DENND2B: variants seen among roughly 807,000 people sequenced by gnomAD.
The protein encoded by DENND2B is DENN domain containing 2B.
DENND2B carries 32 observed loss-of-function variants against 116.0 expected under a neutral mutation model. The ratio of observed to expected loss-of-function variants is 0.28; its 90% CI spans 0.21 to 0.37. The LOEUF (loss-of-function observed/expected upper bound fraction) is 0.37. Ranked by LOEUF, DENND2B falls within the 10% of genes least tolerant of loss-of-function variation. DENND2B has a pLI of 1.00. For synonymous variants in DENND2B, 588 were observed against 583.9 expected, an observed-to-expected ratio of 1.01 and a Z score of -0.10; for missense variants, 1,276 against 1,477.7, an observed-to-expected ratio of 0.86 and a Z score of 2.24.
intron 4 of DENND2B, chr11:8,719,053 G>A (rs1404544397): frequency 2.0e-6 from 2 of 985,628 alleles, no homozygotes; most frequent in Non-Finnish European, 2.4e-6. Context: ...GAGCCTGGGT[G>A]CCACTGAGTC....
rs1471503539 is a variant in DENND2B, at chr11:8,702,087, G to A, written c.2720+485C>T. On this transcript the variant is annotated intron_variant, in intron 14 of 19. Coordinates refer to ENST00000313726, the MANE Select transcript of DENND2B (RefSeq NM_213618.2). This position sits in a 1 kb window ranked among gnomAD's most constrained non-coding sequence, Gnocchi z 4.6. ...TGGGCCACTGCAGTTGCCTTCTCCA[G>A]GGGACACCCTCCACAGGACCCTCGC... Among the ~76,000 whole-genome samples, 2 of 152,028 alleles carry A rather than the reference G, an allele frequency of 1.3e-5. No individual in the cohort carries two copies. Among genetic ancestry groups the A allele is most frequent in the African/African-American group, 4.8e-5 (2 of 41,364 alleles).
At chr11:8,865,018 T>C (rs1263130416) in intron 2 of DENND2B, among the ~76,000 whole-genome samples, 2 of 152,158 alleles carry the variant, frequency 1.3e-5, no homozygotes, top group East Asian at 3.9e-4. Context: ...AGGGACAAAT[T>C]CCCAGCATAT....
Position 8,776,443 on chromosome 11 carries a change from G to C in DENND2B, c.-25-25718C>G, listed in dbSNP as rs987765617. ...AGCCCAGTCACTGAGGACACAGGAA[G>C]GAAAACAACACAGTCCTACAGGCTC... On this transcript the variant is annotated intron_variant, in intron 1 of 19. Transcript: ENST00000313726. 6.6e-5 allele frequency: 24 copies of C among 361,620 alleles called. 1 individual carries two copies. Among genetic ancestry groups the C allele is most frequent in the South Asian group, 4.9e-4 (24 of 48,614 alleles). 22.4% of individuals were successfully genotyped at this position (361,620 alleles called of 1,614,324 possible). A position where few individuals can be genotyped will look rare whatever the true frequency, so the allele number is the denominator to read the frequency against.
intron 1 of DENND2B, among the ~76,000 whole-genome samples, chr11:8,905,878 G>A (rs1589894672): frequency 6.6e-6 from 1 of 151,836 alleles, no homozygotes; most frequent in African/African-American, 2.4e-5. Flanking sequence ...CGACATGTGT[G>A]AGCCTCAAAA....
intron 3 of DENND2B, among the ~76,000 whole-genome samples, chr11:8,846,786 C>T (rs749015250): frequency 2.6e-5 from 4 of 152,278 alleles, no homozygotes; most frequent in East Asian, 1.9e-4. Context: ...ATACCAGAGG[C>T]GGCCTGCAAT....
intron 3 of DENND2B, among the ~76,000 whole-genome samples, chr11:8,848,450 C>T (rs969789003): frequency 3.3e-5 from 5 of 151,768 alleles, no homozygotes; most frequent in African/African-American, 2.4e-5. Flanking sequence ...ACTGCAGGCA[C>T]GTGCCACCAT....
At chr11:8,755,333 TA>T (rs2053423706) in intron 1 of DENND2B, among the ~76,000 whole-genome samples, 3 of 152,210 alleles carry the variant, frequency 2.0e-5, no homozygotes, top group Non-Finnish European at 2.9e-5. Flanking sequence ...TTGGTGCAAA[TA>T]AGTGATTGGT....
At chr11:8,769,930 A>C (rs2056565552) in intron 1 of DENND2B, among the ~76,000 whole-genome samples, 1 of 152,210 alleles carries the variant, frequency 6.6e-6, no homozygotes, top group Non-Finnish European at 1.5e-5. Context: ...CAGGAGTTCA[A>C]GACCAGCCTG....
Position 8,836,804 on chromosome 11 carries a change from T to G in DENND2B, c.-115+2506A>C, listed in dbSNP as rs571177336. ...ATCTCAGCTCACTGCAGTCTCGACC[T>G]CCCTGGGCTCAGGTGGTCCTCCCAC... On this transcript the variant is annotated intron_variant, in intron 4 of 6. Transcript: ENST00000524757. 1.2e-3 allele frequency among the ~76,000 whole-genome samples: 184 copies of G among 152,272 alleles called. 1 individual carries two copies. Among genetic ancestry groups the G allele is most frequent in the Middle Eastern group, 3.4e-3 (1 of 294 alleles).
intron 1 of DENND2B, among the ~76,000 whole-genome samples, chr11:8,900,702 C>T (rs1037349016): frequency 3.3e-5 from 5 of 151,354 alleles, no homozygotes; most frequent in African/African-American, 1.2e-4. Flanking sequence ...TGCGGTGGCT[C>T]ATGCCTGTAA....
At chr11:8,842,091 T>C (rs535318538) in intron 3 of DENND2B, among the ~76,000 whole-genome samples, 1 of 152,302 alleles carries the variant, frequency 6.6e-6, no homozygotes, top group African/African-American at 2.4e-5. Context: ...CATGATTTCC[T>C]CCTCTCTGAG....
At chr11:8,743,306 T>G (rs1049943677) in intron 2 of DENND2B, among the ~76,000 whole-genome samples, 2 of 151,912 alleles carry the variant, frequency 1.3e-5, no homozygotes, top group Non-Finnish European at 2.9e-5. Flanking sequence ...TTCCAGCACT[T>G]TGGGAGGCTG....
chr11:8,798,432 G>A (rs751425585), intron 1 of DENND2B, among the ~76,000 whole-genome samples: 9 of 152,074 alleles, frequency 5.9e-5, no homozygotes, highest in Non-Finnish European at 1.2e-4. Context: ...TTAACTTTTG[G>A]GGAACACCAA....
chr11:8,736,153 C>T (rs2048989632), intron 2 of DENND2B, among the ~76,000 whole-genome samples: 1 of 152,184 alleles, frequency 6.6e-6, no homozygotes, highest in African/African-American at 2.4e-5. Flanking sequence ...ACCAAGACCA[C>T]AGTGTGCAAC....
chr11:8,764,457 A>G (rs2055253353), intron 1 of DENND2B, among the ~76,000 whole-genome samples: 1 of 152,234 alleles, frequency 6.6e-6, no homozygotes, highest in Non-Finnish European at 1.5e-5. Flanking sequence ...AATAGATGCC[A>G]TTATCTCCAT....
In DENND2B at chr11:8,801,701, G is replaced by GAAACAAAC. The variant is rs1555199003; in HGVS notation, c.-26+8808_-26+8815dup. 8.6e-4 allele frequency among the ~76,000 whole-genome samples: 125 copies of GAAACAAAC among 145,706 alleles called. 1 individual carries two copies. The highest frequency in any genetic ancestry group is 2.8e-3 in the African/African-American group (111 of 39,098). ...CAAAAAAAAAAAAAAAAGAAAGAAA[G>GAAACAAAC]AAACAAACAAACACTCCTGAGGCTG... On this transcript the variant is annotated intron_variant, in intron 1 of 19. Coordinates refer to ENST00000313726, the MANE Select transcript of DENND2B (RefSeq NM_213618.2).
rs763331609 is a variant in DENND2B, at chr11:8,714,065, C to A, written c.1943-23G>T. The stretch of plus-strand genomic sequence containing the variant: ...CATCTGGAAAAGGAACAGCAGAGTA[C>A]ATACTTGCTGGACCTCACAGCCAAT... On this transcript the variant is annotated intron_variant, in intron 7 of 19. Coordinates refer to ENST00000313726, the MANE Select transcript of DENND2B (RefSeq NM_213618.2). The A allele has an allele frequency of 1.9e-6, 3 of 1,610,578 alleles. No homozygotes were observed. The African/African-American group carries it at 4.0e-5, about 22-fold the overall frequency.
chr11:8,782,700 C>T (rs1009762401), intron 1 of DENND2B, among the ~76,000 whole-genome samples: 3 of 151,950 alleles, frequency 2.0e-5, no homozygotes, highest in African/African-American at 7.3e-5. Context: ...TCCTGGCTAA[C>T]ACGGTGAAAC....
chr11:8,863,194 G>A (rs1456615160), intron 2 of DENND2B, among the ~76,000 whole-genome samples: 3 of 151,100 alleles, frequency 2.0e-5, no homozygotes, highest in African/African-American at 7.3e-5. Flanking sequence ...AATTTTAAAT[G>A]GCCCTCTGAA....
Sources: allele counts gnomAD v4.1 joint callset (sites outside exome capture counted in the v4.1 genomes callset), GRCh38; gene constraint gnomAD v4.1.1; non-coding constraint Gnocchi (gnomAD v3.1); transcripts MANE v1.5; gene names NCBI Gene and HGNC (gene_info 2026-07-23, HGNC 2026-07-21).